The following C1QTNF2 variants were observed in gnomAD, a reference collection of about 807,000 sequenced individuals.
C1QTNF2 encodes C1q and TNF related 2, also known as complement C1q tumor necrosis factor-related protein 2.
In C1QTNF2, 15 loss-of-function variants were observed where a neutral mutation model predicts 17.4. That is an observed-to-expected ratio of 0.86 (90% CI 0.58 to 1.33). C1QTNF2 has a LOEUF of 1.33. Among genes scored for constraint, C1QTNF2 ranks in the 40% most tolerant of loss-of-function variants. The probability of loss-of-function intolerance (pLI) is 0.00; values close to 1 mark genes in which losing one functional copy is unlikely to be tolerated. For synonymous variants in C1QTNF2, 154 were observed against 163.3 expected, an observed-to-expected ratio of 0.94 and a Z score of 0.44; for missense variants, 381 against 392.3, an observed-to-expected ratio of 0.97 and a Z score of 0.24.
chr5:160,360,088 G>C (rs1764125426), intron 1 of C1QTNF2, among the ~76,000 whole-genome samples: 2 of 152,178 alleles, frequency 1.3e-5, no homozygotes, highest in Admixed American at 1.3e-4. Flanking sequence ...CTTCCTCCAG[G>C]CATTCCCTGA....
intron 2 of C1QTNF2, among the ~76,000 whole-genome samples, chr5:160,353,788 C>CTTTTTTT (rs200777932): frequency 1.3e-4 from 11 of 85,970 alleles, no homozygotes; most frequent in African/African-American, 4.8e-4. Flanking sequence ...ACTTCTCAGG[C>CTTTTTTT]TTTTTTTTTT....
intron 1 of C1QTNF2, among the ~76,000 whole-genome samples, chr5:160,365,031 C>A (rs1038673193): frequency 2.0e-5 from 3 of 152,134 alleles, no homozygotes; most frequent in African/African-American, 7.2e-5. Context: ...TCCTGTAGGG[C>A]CCACTCTGAT....
intron 1 of C1QTNF2, among the ~76,000 whole-genome samples, chr5:160,367,733 A>G (rs754683976): frequency 2.7e-4 from 41 of 152,178 alleles, no homozygotes; most frequent in Non-Finnish European, 5.0e-4. Context: ...GCTGACTAGG[A>G]CAGAGAGCCT....
chr5:160,354,704 G>T, intron 2 of C1QTNF2, 64 bp downstream of exon 2: 1 of 1,588,356 alleles, frequency 6.3e-7, no homozygotes, highest in Non-Finnish European at 8.6e-7. Flanking sequence ...ACTTCATGAT[G>T]CCCCCCACAT....
chr5:160,359,839 C>G (rs937029264), intron 1 of C1QTNF2, among the ~76,000 whole-genome samples: 4 of 152,218 alleles, frequency 2.6e-5, no homozygotes, highest in African/African-American at 9.6e-5. Context: ...CTTAAAATAG[C>G]AAACATCAGA....
chr5:160,352,263 C>A (rs1763939051), intron 2 of C1QTNF2, among the ~76,000 whole-genome samples: 1 of 152,146 alleles, frequency 6.6e-6, no homozygotes, highest in Non-Finnish European at 1.5e-5. Flanking sequence ...AAAAAGCTTA[C>A]CAGGAGGTCC....
chr5:160,355,293 G>T, intron 1 of C1QTNF2: 1 of 968,064 alleles, frequency 1.0e-6, no homozygotes, highest in Non-Finnish European at 1.2e-6. Flanking sequence ...CTTCCAGAGT[G>T]GCTGAAATGG....
chr5:160,369,566 T>C (rs986117993), intron 1 of C1QTNF2, among the ~76,000 whole-genome samples: 2 of 152,222 alleles, frequency 1.3e-5, no homozygotes, highest in African/African-American at 4.8e-5. Flanking sequence ...AGCACCAGCC[T>C]TGGATTGACC....
chr5:160,349,695 T>C lies in C1QTNF2; in HGVS notation c.331A>G (p.Lys111Glu). The change falls in exon 3 of 3, where the codon AAG (lysine) becomes GAG (glutamate). Residue 111 changes from lysine (K) to glutamate (E), a missense_variant. Transcript: ENST00000652664. The surrounding 1 kb of genome is among the most constrained non-coding windows in gnomAD (Gnocchi z 4.3). ...AIGRAGPRGP[K>E]GVNGTPGKHG... Reference sequence around the variant, plus strand: ...TTCCCGGGGGTACCGTTGACCCCCTTGGGGCCACGGGGGCCAGCCCGCCCA... The same window carrying C: ...TTCCCGGGGGTACCGTTGACCCCCTCGGGGCCACGGGGGCCAGCCCGCCCA... The C allele has an allele frequency of 6.2e-7, 1 of 1,604,626 alleles. No individual in the cohort carries two copies. Among genetic ancestry groups the C allele is most frequent in the Non-Finnish European group, 8.5e-7 (1 of 1,176,736 alleles).
In C1QTNF2 at chr5:160,348,576, G is replaced by C. The variant is rs1264388561; in HGVS notation, c.*592C>G. On this transcript the variant is annotated 3_prime_UTR_variant, in exon 3 of 3. Transcript: ENST00000652664. ...ATTTTCCAGGTACTGACTTAGAGGG[G>C]TCTTAAGAGAGCTTTTGGGGAAGGG... 2 of 152,574 alleles carry C rather than the reference G, an allele frequency of 1.3e-5. No individual in the cohort carries two copies. The highest frequency in any genetic ancestry group is 4.8e-5 in the African/African-American group (2 of 41,444). The allele number at this position is 152,574 out of a possible 1,614,324, so 9.5% of individuals were successfully genotyped here. A position where few individuals can be genotyped will look rare whatever the true frequency, so the allele number is the denominator to read the frequency against.
chr5:160,350,917 A>C (rs1181312731), intron 2 of C1QTNF2, among the ~76,000 whole-genome samples: 1 of 152,002 alleles, frequency 6.6e-6, no homozygotes, highest in African/African-American at 2.4e-5. Flanking sequence ...CGCCCGGCTA[A>C]TTTTTTGTAT....
chr5:160,358,140 G>A (rs1000247378), intron 1 of C1QTNF2, among the ~76,000 whole-genome samples: 3 of 152,246 alleles, frequency 2.0e-5, no homozygotes, highest in Admixed American at 6.5e-5. Context: ...GGGAGGAAGC[G>A]TTTTCTGAAC....
chr5:160,359,465 T>C (rs1327914665), intron 1 of C1QTNF2, among the ~76,000 whole-genome samples: 2 of 152,210 alleles, frequency 1.3e-5, no homozygotes, highest in African/African-American at 4.8e-5. Context: ...CCCCTAAATA[T>C]TCCACATTAC....
chr5:160,368,089 C>T (rs906581551), intron 1 of C1QTNF2, among the ~76,000 whole-genome samples: 1 of 152,192 alleles, frequency 6.6e-6, no homozygotes, highest in African/African-American at 2.4e-5. Flanking sequence ...ACCATGGCCC[C>T]TCAGCTAACA....
At position 160,355,979 on chromosome 5, in the gene C1QTNF2, C is replaced by A. The variant is rs139550073; in HGVS notation, c.-9-959G>T. On this transcript the variant is annotated intron_variant, in intron 1 of 2. Coordinates refer to ENST00000652664, the MANE Select transcript of C1QTNF2 (RefSeq NM_031908.6). ...TGAACCAGGCTGTCCAGATCCAGAG[C>A]CTGTGCCCTCCTGTCCCAGGCTAGA... Among the ~76,000 whole-genome samples the A allele has an allele frequency of 2.0e-4, 30 of 152,252 alleles. No homozygotes were observed. The East Asian group carries it at 5.6e-3, about 28-fold the overall frequency.
intron 2 of C1QTNF2, among the ~76,000 whole-genome samples, chr5:160,354,228 C>T (rs1763982339): frequency 6.6e-6 from 1 of 152,034 alleles, no homozygotes; most frequent in Non-Finnish European, 1.5e-5. Context: ...CTTAGCAACC[C>T]AAAGGTGCAC....
chr5:160,349,083 A>G lies in C1QTNF2; in HGVS notation c.*85T>C, dbSNP rs959538355. 2.4e-5 allele frequency: 36 copies of G among 1,504,970 alleles called. 1 individual carries two copies. In the Admixed American group the frequency reaches 7.9e-4, roughly 33 times the overall value. The allele number at this position is 1,504,970 out of a possible 1,614,324, so 93.2% of individuals were successfully genotyped here. A position where few individuals can be genotyped will look rare whatever the true frequency, so the allele number is the denominator to read the frequency against. ...GCTAGAACCGCTCACTCGACCCCCC[A>G]CCCCCAGCCTACAGTTGTGGGGTCT... On this transcript the variant is annotated 3_prime_UTR_variant, in exon 3 of 3. Transcript: ENST00000652664. This position sits in a 1 kb window ranked among gnomAD's most constrained non-coding sequence, Gnocchi z 4.3.
At position 160,349,773 on chromosome 5, in the gene C1QTNF2, C is replaced by T. The variant is rs1763881431; in HGVS notation, c.253G>A (p.Gly85Ser). Reference sequence around the variant, plus strand: ...GGCTTTCCCCGGTTACCTGTCCGGCCAGGTGGACCTGGAAGACAGAGCAGC... The same window carrying T: ...GGCTTTCCCCGGTTACCTGTCCGGCTAGGTGGACCTGGAAGACAGAGCAGC... Reference protein sequence around the residue: ...RGDSGEEGPPGRTGNRGKPGP... With the variant: ...RGDSGEEGPPSRTGNRGKPGP... Residue 85 changes from glycine to serine, a missense_variant, in exon 3 of 3, where the codon GGC (glycine) becomes AGC (serine). By Grantham distance (56) the Gly-to-Ser change is moderately conservative. Coordinates refer to ENST00000652664, the MANE Select transcript of C1QTNF2 (RefSeq NM_031908.6). The surrounding 1 kb of genome is among the most constrained non-coding windows in gnomAD (Gnocchi z 4.3). The T allele has an allele frequency of 6.6e-7, 1 of 1,522,578 alleles. No homozygotes were observed. The highest frequency in any genetic ancestry group is 1.3e-5 in the South Asian group (1 of 76,506). The allele number at this position is 1,522,578 out of a possible 1,614,324, so 94.3% of individuals were successfully genotyped here.
chr5:160,366,943 G>C (rs2113537993), intron 1 of C1QTNF2, among the ~76,000 whole-genome samples: 1 of 150,288 alleles, frequency 6.7e-6, no homozygotes, highest in East Asian at 2.0e-4. Context: ...AGAATTGCTT[G>C]AGTCCAGGAG....
Sources: gnomAD v4.1 joint callset for allele counts (sites outside exome capture counted in the v4.1 genomes callset) on GRCh38, gnomAD v4.1.1 for gene constraint, Gnocchi (gnomAD v3.1) non-coding constraint, MANE v1.5 for transcripts, NCBI Gene and HGNC (gene_info 2026-07-23, HGNC 2026-07-21) for gene names.